Variants in UPK3A observed in about 807,000 individuals in gnomAD.
The protein encoded by UPK3A is uroplakin 3A, also known as uroplakin-3a.
A neutral mutation model predicts 27.6 loss-of-function variants in UPK3A; 32 were observed. The observed-to-expected ratio is 1.16, with a 90% confidence interval of 0.87 to 1.55. The LOEUF (loss-of-function observed/expected upper bound fraction) is 1.55. Among genes scored for constraint, UPK3A ranks in the 40% most tolerant of loss-of-function variants. UPK3A has a pLI of 0.00. For missense variants in UPK3A, 370 were observed against 367.9 expected (o/e 1.01, Z -0.05); for synonymous variants, 171 against 163.9 (o/e 1.04, Z -0.33).
At position 45,285,052 on chromosome 22, in the gene UPK3A, G is replaced by T. The variant is rs1238873610; in HGVS notation, c.39G>T (p.Leu13=). The T allele has an allele frequency of 9.8e-6, 15 of 1,536,580 alleles. No homozygotes were observed. The highest frequency in any genetic ancestry group is 1.4e-5 in the African/African-American group (1 of 72,998). The change falls in exon 1 of 6, where the codon CTG becomes CTT. Residue 13 remains leucine, a synonymous_variant. Transcript: ENST00000216211. ...PLWALLALGC[L]RFGSAVNLQP... ...GGGCCCTGCTGGCCCTCGGCTGCCT[G>T]CGGTTCGGCTCGGGTAGGCGGTGAA...
chr22:45,286,691 G>T (rs1366669145), intron 2 of UPK3A, among the ~76,000 whole-genome samples: 1 of 152,104 alleles, frequency 6.6e-6, no homozygotes, highest in Non-Finnish European at 1.5e-5. Flanking sequence ...TGTGTTTATT[G>T]ACTATAAACT....
At chr22:45,289,221 G>C in intron 4 of UPK3A, 78 bp downstream of exon 4, 2 of 1,458,356 alleles carry the variant, frequency 1.4e-6, no homozygotes, top group Middle Eastern at 1.8e-4. Context: ...TGAGAACCAA[G>C]GCTCCTCTGT....
In UPK3A at chr22:45,285,974, C is replaced by A. The variant is rs1319345526; in HGVS notation, c.86C>A (p.Thr29Asn). The change falls in exon 2 of 6, where the codon ACT (threonine) becomes AAT (asparagine). Residue 29 changes from threonine to asparagine, a missense_variant. Transcript: ENST00000216211. Reference protein sequence around the residue: ...VNLQPQLASVTFATNNPTLTT... With the variant: ...VNLQPQLASVNFATNNPTLTT... ...CTGCAGCCCCAACTGGCCAGTGTGACTTTCGCCACCAACAACCCCACACTT... is the reference window on the plus strand; with the variant it reads ...CTGCAGCCCCAACTGGCCAGTGTGAATTTCGCCACCAACAACCCCACACTT... 1.2e-6 allele frequency: 2 copies of A among 1,614,132 alleles called. No homozygotes were observed. The highest frequency in any genetic ancestry group is 2.2e-5 in the South Asian group (2 of 91,090).
chr22:45,285,333 G>A (rs1839697107), intron 1 of UPK3A, among the ~76,000 whole-genome samples: 1 of 152,210 alleles, frequency 6.6e-6, no homozygotes, highest in African/African-American at 2.4e-5. Context: ...GCCCCATGGT[G>A]ACGCCTGGAC....
intron 3 of UPK3A, among the ~76,000 whole-genome samples, chr22:45,287,852 T>TG (rs1422041943): frequency 6.6e-6 from 1 of 152,024 alleles, no homozygotes; most frequent in Admixed American, 6.6e-5. Context: ...TTAGTACAGA[T>TG]GGGGTTTCAT....
intron 5 of UPK3A, among the ~76,000 whole-genome samples, chr22:45,294,986 C>T (rs1406592950): frequency 6.6e-6 from 1 of 151,904 alleles, no homozygotes; most frequent in African/African-American, 2.4e-5. Flanking sequence ...CTGCCTCAGC[C>T]TCCTGAGTAG....
chr22:45,286,132 G>A (rs753787356), intron 2 of UPK3A, 36 bp downstream of exon 2: 5 of 1,613,238 alleles, frequency 3.1e-6, no homozygotes, highest in Admixed American at 1.7e-5. Flanking sequence ...ACTCCAAAAG[G>A]GGCTCTGACC....
At position 45,295,609 on chromosome 22, in the gene UPK3A, C is replaced by T; in HGVS notation, c.754C>T (p.Gln252Ter). Residue 252 changes from glutamine (Q) to a stop codon, truncating the protein, a stop_gained, in exon 6 of 6, where the codon CAG (glutamine) becomes TAG (stop). Transcript: ENST00000216211. LOFTEE classifies it high-confidence loss of function. ...AACGACTCACGACTCCCAAATCACTCAGGAGGCTGTTCCCAAGTCGCTGGG... is the reference window on the plus strand; with the variant it reads ...AACGACTCACGACTCCCAAATCACTTAGGAGGCTGTTCCCAAGTCGCTGGG... ...GETTHDSQIT[Q>*]EAVPKSLGAS... is the part of the protein sequence containing the mutation. 6.2e-7 allele frequency: 1 copy of T among 1,614,066 alleles called. No individual in the cohort carries two copies. The highest frequency in any genetic ancestry group is 8.5e-7 in the Non-Finnish European group (1 of 1,180,036).
At chr22:45,288,298 C>A (rs2084133969) in intron 3 of UPK3A, among the ~76,000 whole-genome samples, 1 of 151,978 alleles carries the variant, frequency 6.6e-6, no homozygotes, top group Non-Finnish European at 1.5e-5. Context: ...CGGGTTCAAG[C>A]GATTCTCCTG....
intron 2 of UPK3A, among the ~76,000 whole-genome samples, chr22:45,286,629 A>G (rs1168465657): frequency 6.6e-6 from 1 of 152,212 alleles, no homozygotes; most frequent in Admixed American, 6.5e-5. Flanking sequence ...CATTTCTAGC[A>G]GCCAGTCATT....
At chr22:45,286,120 C>T in intron 2 of UPK3A, 24 bp downstream of exon 2, 1 of 1,613,764 alleles carries the variant, frequency 6.2e-7, no homozygotes, top group Non-Finnish European at 8.5e-7. Context: ...TTCCCTCTGG[C>T]TACTCCAAAA....
Position 45,285,054 on chromosome 22 carries a change from G to C in UPK3A, c.41G>C (p.Arg14Pro). Residue 14 changes from arginine (R) to proline (P), a missense_variant, in exon 1 of 6, where the codon CGG becomes CCG. Arg to Pro is a moderately radical substitution (Grantham distance 103). Coordinates refer to ENST00000216211, the MANE Select transcript of UPK3A (RefSeq NM_006953.4). ...GCCCTGCTGGCCCTCGGCTGCCTGCGGTTCGGCTCGGGTAGGCGGTGAAGG... is the reference window on the plus strand; with the variant it reads ...GCCCTGCTGGCCCTCGGCTGCCTGCCGTTCGGCTCGGGTAGGCGGTGAAGG... ...LWALLALGCL[R>P]FGSAVNLQPQ... 3.3e-6 allele frequency: 5 copies of C among 1,536,526 alleles called. No individual in the cohort carries two copies. The highest frequency in any genetic ancestry group is 4.4e-6 in the Non-Finnish European group (5 of 1,148,186).
In UPK3A at chr22:45,295,718, G is replaced by C; in HGVS notation, c.863G>C (p.Ter288SerextTer?). ...AEVYSSKLQD[*>S] ...GTGTATTCCAGCAAGCTCCAAGACT[G>C]AGCCCAGCACCACCCCTGGGCAGCA... The change falls in exon 6 of 6, where the codon TGA (stop) becomes TCA (serine). Residue 288 changes from the stop codon to serine (S), a stop_lost. Transcript: ENST00000216211. 6.2e-7 allele frequency: 1 copy of C among 1,613,790 alleles called. No homozygotes were observed. The highest frequency in any genetic ancestry group is 8.5e-7 in the Non-Finnish European group (1 of 1,180,006).
In UPK3A at chr22:45,289,044, G is replaced by A; in HGVS notation, c.489-17G>A. The A allele has an allele frequency of 1.2e-6, 2 of 1,613,116 alleles. No individual in the cohort carries two copies. Among genetic ancestry groups the A allele is most frequent in the Non-Finnish European group, 1.7e-6 (2 of 1,179,832 alleles). Reference sequence around the variant, plus strand: ...CACAGGAAGCATAAAAGTCACCCTGGCTCCGTCTCCTTCCAGGTTCAAGTA... The same window carrying A: ...CACAGGAAGCATAAAAGTCACCCTGACTCCGTCTCCTTCCAGGTTCAAGTA... On this transcript the variant is annotated splice_polypyrimidine_tract_variant and intron_variant, in intron 3 of 5. Coordinates refer to ENST00000216211, the MANE Select transcript of UPK3A (RefSeq NM_006953.4).
In UPK3A at chr22:45,293,289, CT is replaced by C. The variant is rs1176616603; in HGVS notation, c.681del (p.Gly228AlafsTer42). The C allele has an allele frequency of 6.2e-7, 1 of 1,613,922 alleles. No homozygotes were observed. The highest frequency in any genetic ancestry group is 1.3e-5 in the African/African-American group (1 of 74,912). ...SLPFFLLVGF[A>X]GAIALSLVDM... ...CCCTTCTTTCTACTTGTGGGTTTTGCTGGCGCCATTGCCCTCAGCCTCGTGT... is the reference window on the plus strand; with the variant it reads ...CCCTTCTTTCTACTTGTGGGTTTTGCGGCGCCATTGCCCTCAGCCTCGTGT... On this transcript the variant is annotated frameshift_variant, in exon 5 of 6. Transcript: ENST00000216211. LOFTEE classifies it high-confidence loss of function.
chr22:45,289,577 C>CAAAA lies in UPK3A; in HGVS notation c.571+447_571+450dup, dbSNP rs77091115. ...TGGGCGACAGAGTGAGACTCCGTCT[C>CAAAA]AAAAAAAAAAAAAAAAGAAAAAAAA... On this transcript the variant is annotated intron_variant, in intron 4 of 5. Coordinates refer to ENST00000216211, the MANE Select transcript of UPK3A (RefSeq NM_006953.4). Among the ~76,000 whole-genome samples the CAAAA allele has an allele frequency of 1.4e-3, 110 of 80,146 alleles. 1 individual carries two copies. The highest frequency in any genetic ancestry group is 5.9e-3 in the Admixed American group (42 of 7,072). 52.6% of individuals were successfully genotyped at this position (80,146 alleles called of 152,430 possible).
rs140649681 is a variant in UPK3A at position 45,289,132 on chromosome 22, G to A, written c.560G>A (p.Arg187His). ...CAGACCCTGTGGTCAGACCCCATCC[G>A]CACCAACCAGCGTAAGTGGTGGGCA... ...EDQTLWSDPI[R>H]TNQLTPYSTI... is the part of the protein sequence containing the mutation. Residue 187 changes from arginine (R) to histidine (H), a missense_variant, in exon 4 of 6, where the codon CGC (arginine) becomes CAC (histidine). Physicochemically the swap from Arg to His is conservative, Grantham distance 29. Coordinates refer to ENST00000216211, the MANE Select transcript of UPK3A (RefSeq NM_006953.4). 1.7e-4 allele frequency: 269 copies of A among 1,613,780 alleles called. 1 individual carries two copies. Among genetic ancestry groups the A allele is most frequent in the South Asian group, 4.0e-4 (36 of 91,082 alleles).
At chr22:45,286,847 C>T (rs1254015449) in intron 2 of UPK3A, among the ~76,000 whole-genome samples, 3 of 152,144 alleles carry the variant, frequency 2.0e-5, no homozygotes, top group Non-Finnish European at 4.4e-5. Context: ...TTCCCTTGGA[C>T]CGATGACCTT....
chr22:45,292,947 GAAGA>G (rs942901099), intron 4 of UPK3A, among the ~76,000 whole-genome samples: 15 of 151,338 alleles, frequency 9.9e-5, no homozygotes, highest in African/African-American at 3.6e-4. Context: ...AAAAAAAAGA[GAAGA>G]AAGAGTTAAA....
Sources: gnomAD v4.1 joint callset for allele counts (sites outside exome capture counted in the v4.1 genomes callset) on GRCh38, gnomAD v4.1.1 for gene constraint, MANE v1.5 for transcripts, NCBI Gene and HGNC (gene_info 2026-07-23, HGNC 2026-07-21) for gene names.